PLXNB1: variants seen among roughly 807,000 people sequenced by gnomAD.
PLXNB1 encodes the protein plexin B1.
Under a neutral mutation model 209.4 loss-of-function variants are expected in PLXNB1, and 106 were observed. The ratio of observed to expected loss-of-function variants is 0.51; its 90% CI spans 0.43 to 0.59. PLXNB1 has a LOEUF of 0.59. Among genes scored for constraint, PLXNB1 ranks in the 20% least tolerant of loss-of-function variants. PLXNB1 has a pLI of 0.00. For missense variants in PLXNB1, 2,357 were observed against 2,853.2 expected (o/e 0.83, Z 3.96); for synonymous variants, 1,167 against 1,183.2 (o/e 0.99, Z 0.28).
rs1214672626 is a variant in PLXNB1 at position 48,429,701 on chromosome 3, G to A, written c.-60+307C>T. ...CCATGGCAACGCGGGTCGCCCGGAG[G>A]GGTGAGGAGTGAACCCCGGGAGCCA... is the stretch of plus-strand genomic sequence containing the variant. On this transcript the variant is annotated intron_variant, in intron 1 of 37. Transcript: ENST00000296440. This position sits in a 1 kb window ranked among gnomAD's most constrained non-coding sequence, Gnocchi z 6.4. Among the ~76,000 whole-genome samples the A allele has an allele frequency of 6.6e-6, 1 of 151,930 alleles. No individual in the cohort carries two copies. The highest frequency in any genetic ancestry group is 1.5e-5 in the Non-Finnish European group (1 of 67,934).
In PLXNB1 at chr3:48,424,678, A is replaced by G. The variant is rs2038790582; in HGVS notation, c.-6-61T>C. ...GTGGCCGCCAGAGCACCCTGGGGCC[A>G]CTGGTAAGGGATAGGACTGTGGCAT... On this transcript the variant is annotated intron_variant, in intron 2 of 37. Coordinates refer to ENST00000296440, the MANE Select transcript of PLXNB1 (RefSeq NM_001130082.3). The G allele has an allele frequency of 2.0e-6, 3 of 1,492,568 alleles. No individual in the cohort carries two copies. In the Admixed American group the frequency reaches 6.0e-5, roughly 30 times the overall value. The allele number at this position is 1,492,568 out of a possible 1,614,324, so 92.5% of individuals were successfully genotyped here. A position where few individuals can be genotyped will look rare whatever the true frequency, so the allele number is the denominator to read the frequency against.
intron 1 of PLXNB1, among the ~76,000 whole-genome samples, chr3:48,427,995 T>C (rs567037698): frequency 2.0e-5 from 3 of 152,300 alleles, no homozygotes; most frequent in East Asian, 3.9e-4. Context: ...CAGGGTCACC[T>C]TTCTCCCTGT....
Position 48,421,283 on chromosome 3 carries a change from A to G in PLXNB1, c.1755T>C (p.Gly585=). Reference sequence around the variant, plus strand: ...TAGGGTCTGGGGAGGGGCACATCACACCAGAACCAGTCAGCAGGGCAGGAC... The same window carrying G: ...TAGGGTCTGGGGAGGGGCACATCACGCCAGAACCAGTCAGCAGGGCAGGAC... ...HQSPALLTGS[G]VMCPSPDPSE... The change falls in exon 8 of 38, where the codon GGT becomes GGC. Residue 585 remains glycine, a synonymous_variant. Coordinates refer to ENST00000296440, the MANE Select transcript of PLXNB1 (RefSeq NM_001130082.3). 2 of 1,610,864 alleles carry G rather than the reference A, an allele frequency of 1.2e-6. No homozygotes were observed. Among genetic ancestry groups the G allele is most frequent in the Non-Finnish European group, 1.7e-6 (2 of 1,178,372 alleles).
At position 48,410,523 on chromosome 3, in the gene PLXNB1, A is replaced by G. The variant is rs2037608099; in HGVS notation, c.5452T>C (p.Ser1818Pro). ...ACCTCAGAAGTGACATCCTCGTCAG[A>G]AAGAATGAGGTGCCCGGCCACCCCA... ...RSGVAGHLIL[S>P]DEDVTSEVQG... The change falls in exon 30 of 38, where the codon TCT (serine) becomes CCT (proline). Residue 1818 changes from serine to proline, a missense_variant. By Grantham distance (74) the Ser-to-Pro change is moderately conservative (BLOSUM62 -1). Transcript: ENST00000296440. The surrounding 1 kb of genome is among the most constrained non-coding windows in gnomAD (Gnocchi z 6.4). The G allele has an allele frequency of 6.2e-7, 1 of 1,613,762 alleles. No homozygotes were observed. The highest frequency in any genetic ancestry group is 1.3e-5 in the African/African-American group (1 of 74,896).
In PLXNB1 at chr3:48,423,608, C is replaced by A; in HGVS notation, c.1004G>T (p.Arg335Leu). 9 of 1,614,194 alleles carry A rather than the reference C, an allele frequency of 5.6e-6. No individual in the cohort carries two copies. Among genetic ancestry groups the A allele is most frequent in the Non-Finnish European group, 7.6e-6 (9 of 1,180,030 alleles). ...PLDEVDRLAN[R>L]TRDACYTREG... is the part of the protein sequence containing the mutation. ...CCGGGTGTAGCAGGCATCTCGCGTG[C>A]GATTAGCAAGCCGGTCCACCTCATC... is the stretch of plus-strand genomic sequence containing the variant. The change falls in exon 3 of 38, where the codon CGC (arginine) becomes CTC (leucine). Residue 335 changes from arginine to leucine, a missense_variant. Arg to Leu is a moderately radical substitution (Grantham distance 102). Transcript: ENST00000296440.
chr3:48,426,575 G>A (rs985771953), intron 1 of PLXNB1, among the ~76,000 whole-genome samples: 3 of 152,192 alleles, frequency 2.0e-5, no homozygotes, highest in Non-Finnish European at 4.4e-5. Flanking sequence ...GAACAGGGCC[G>A]GGCACAAGGC....
chr3:48,423,940 A>G lies in PLXNB1; in HGVS notation c.672T>C (p.Arg224=), dbSNP rs569328142. ...YSHHFVSAFA[R]GASAYFLFLR... ...GGAACAGGAAGTAGGCGCTGGCCCC[A>G]CGTGCAAAGGCACTCACGAAGTGGT... The change falls in exon 3 of 38, where the codon CGT becomes CGC. Residue 224 remains arginine (R), a synonymous_variant. Transcript: ENST00000296440. 7 of 1,613,986 alleles carry G rather than the reference A, an allele frequency of 4.3e-6. No individual in the cohort carries two copies. The highest frequency in any genetic ancestry group is 5.1e-6 in the Non-Finnish European group (6 of 1,180,018).
chr3:48,409,642 G>A lies in PLXNB1; in HGVS notation c.5868C>T (p.Asp1956=), dbSNP rs1349388418. 2 of 1,614,064 alleles carry A rather than the reference G, an allele frequency of 1.2e-6. No homozygotes were observed. Among genetic ancestry groups the A allele is most frequent in the East Asian group, 2.2e-5 (1 of 44,878 alleles). Residue 1956 remains aspartate, a synonymous_variant, in exon 33 of 38, where the codon GAC becomes GAT. Coordinates refer to ENST00000296440, the MANE Select transcript of PLXNB1 (RefSeq NM_001130082.3). This position sits in a 1 kb window ranked among gnomAD's most constrained non-coding sequence, Gnocchi z 5.8. ...PVPLAVKYFF[D]LLDEQAQQHG... ...GCTGCTGGGCCTGCTCATCCAGCAG[G>A]TCAAAGAAGTACTTCACAGCGAGCG...
Position 48,410,262 on chromosome 3 carries a change from A to G in PLXNB1, c.5605+34T>C. ...CCCATGACTCCGGGCTGGGCACAGC[A>G]GGGGCAGAGGACCGTGATGGGAGCG... On this transcript the variant is annotated intron_variant, in intron 31 of 37. Coordinates refer to ENST00000296440, the MANE Select transcript of PLXNB1 (RefSeq NM_001130082.3). The surrounding 1 kb of genome is among the most constrained non-coding windows in gnomAD (Gnocchi z 6.4). 6.4e-7 allele frequency: 1 copy of G among 1,552,536 alleles called. No homozygotes were observed. Among genetic ancestry groups the G allele is most frequent in the Non-Finnish European group, 8.8e-7 (1 of 1,136,766 alleles).
rs551990281 is a variant in PLXNB1 at position 48,404,993 on chromosome 3, T to C, written c.6304-403A>G. Among the ~76,000 whole-genome samples the C allele has an allele frequency of 5.3e-5, 8 of 152,110 alleles. No homozygotes were observed. The East Asian group carries it at 1.5e-3, about 29-fold the overall frequency. Reference sequence around the variant, plus strand: ...ACACTGATCAAACACGAACCACGAATTTGGGGCTGCCACCAAGGGAACCGG... The same window carrying C: ...ACACTGATCAAACACGAACCACGAACTTGGGGCTGCCACCAAGGGAACCGG... On this transcript the variant is annotated intron_variant, in intron 37 of 37. Coordinates refer to ENST00000296440, the MANE Select transcript of PLXNB1 (RefSeq NM_001130082.3).
rs746500866 is a variant in PLXNB1, at chr3:48,406,813, G to T, written c.6228+10C>A. The T allele has an allele frequency of 6.3e-7, 1 of 1,599,198 alleles. No individual in the cohort carries two copies. The highest frequency in any genetic ancestry group is 1.7e-5 in the Admixed American group (1 of 58,234). ...CTATGCCCAACCCAAGAAGCAGAGG[G>T]AGGCCTTACCCAGGACAGTTCAGCC... On this transcript the variant is annotated intron_variant, in intron 36 of 37. Transcript: ENST00000296440. This position sits in a 1 kb window ranked among gnomAD's most constrained non-coding sequence, Gnocchi z 4.4.
Position 48,415,390 on chromosome 3 carries a change from T to G in PLXNB1, c.3795-43A>C, listed in dbSNP as rs914828034. On this transcript the variant is annotated intron_variant, in intron 19 of 37. Coordinates refer to ENST00000296440, the MANE Select transcript of PLXNB1 (RefSeq NM_001130082.3). The surrounding 1 kb of genome is among the most constrained non-coding windows in gnomAD (Gnocchi z 5.0). ...CTTACGTAACGTAAGATGGCTTATG[T>G]TACCTGGACCTAAAGCACAGCCCAG... 2 of 1,591,708 alleles carry G rather than the reference T, an allele frequency of 1.3e-6. No homozygotes were observed. Among genetic ancestry groups the G allele is most frequent in the Middle Eastern group, 1.7e-4 (1 of 6,018 alleles).
In PLXNB1 at chr3:48,418,315, T is replaced by A; in HGVS notation, c.3098A>T (p.Gln1033Leu). 2 of 1,613,676 alleles carry A rather than the reference T, an allele frequency of 1.2e-6. No homozygotes were observed. The highest frequency in any genetic ancestry group is 2.2e-5 in the South Asian group (2 of 91,082). Residue 1033 changes from glutamine to leucine, a missense_variant, in exon 15 of 38, where the codon CAA (glutamine) becomes CTA (leucine). By Grantham distance (113) the Gln-to-Leu change is moderately radical. This residue lies in a region of PLXNB1 where 743 missense variants were observed against 896.2 expected (regional missense o/e 0.83). Coordinates refer to ENST00000296440, the MANE Select transcript of PLXNB1 (RefSeq NM_001130082.3). This position sits in a 1 kb window ranked among gnomAD's most constrained non-coding sequence, Gnocchi z 6.6. ...SVGHGDCSRC[Q>L]TAMPQYGCVW... The stretch of plus-strand genomic sequence containing the variant: ...ACAGCCATACTGGGGCATGGCAGTT[T>A]GGCAGCGGCTGCAGTCTCCATGTCC...
rs1338721897 is a variant in PLXNB1 at position 48,425,827 on chromosome 3, CACACACACAG to C, written c.-59-504_-59-495del. 8.7e-5 allele frequency among the ~76,000 whole-genome samples: 13 copies of C among 149,282 alleles called. No individual in the cohort carries two copies. The East Asian group carries it at 9.7e-4, about 11-fold the overall frequency. ...TACAACACACACACACACACACACA[CACACACACAG>C]AGAGAGAGAGATGCAGATGCCATCT... On this transcript the variant is annotated intron_variant, in intron 1 of 37. Transcript: ENST00000296440.
Position 48,410,154 on chromosome 3 carries a change from CA to C in PLXNB1, c.5606-78del, listed in dbSNP as rs1346635715. ...GCCCCCTGTTTCTTGCCAGCTCTCCCAGGGGTGGGGGCACCTGGTTGAGGGA... is the reference window on the plus strand; with the variant it reads ...GCCCCCTGTTTCTTGCCAGCTCTCCCGGGGTGGGGGCACCTGGTTGAGGGA... On this transcript the variant is annotated intron_variant, in intron 31 of 37. Transcript: ENST00000296440. The surrounding 1 kb of genome is among the most constrained non-coding windows in gnomAD (Gnocchi z 6.4). The C allele has an allele frequency of 1.3e-6, 2 of 1,500,606 alleles. No individual in the cohort carries two copies. The highest frequency in any genetic ancestry group is 1.8e-6 in the Non-Finnish European group (2 of 1,113,334). The allele number at this position is 1,500,606 out of a possible 1,614,324, so 93.0% of individuals were successfully genotyped here. A position where few individuals can be genotyped will look rare whatever the true frequency, so the allele number is the denominator to read the frequency against.
chr3:48,427,769 T>C (rs370645547), intron 1 of PLXNB1, among the ~76,000 whole-genome samples: 2 of 151,942 alleles, frequency 1.3e-5, no homozygotes, highest in East Asian at 1.9e-4. Flanking sequence ...ACACCAACCA[T>C]CCTCTCCCTG....
intron 8 of PLXNB1, 125 bp from the exon 9 acceptor site, chr3:48,421,081 G>C (rs1437269996): frequency 1.4e-5 from 18 of 1,265,358 alleles, no homozygotes; most frequent in South Asian, 2.6e-5. Context: ...CAAGGGCACA[G>C]AATGGAGGCT....
At position 48,421,363 on chromosome 3, in the gene PLXNB1, G is replaced by A; in HGVS notation, c.1675C>T (p.Leu559=). The change falls in exon 8 of 38, where the codon CTG becomes TTG. Residue 559 remains leucine (L), a synonymous_variant. Coordinates refer to ENST00000296440, the MANE Select transcript of PLXNB1 (RefSeq NM_001130082.3). ...GACTCCCCTGGCCACAGGGGTGGCA[G>A]GTCTGGCACTGATAGGAAAACCTGC... is the stretch of plus-strand genomic sequence containing the variant. ...TREVFLSVPD[L]PPLWPGESYS... The A allele has an allele frequency of 6.5e-7, 1 of 1,543,206 alleles. No homozygotes were observed. Among genetic ancestry groups the A allele is most frequent in the Non-Finnish European group, 8.8e-7 (1 of 1,142,734 alleles).
In PLXNB1 at chr3:48,406,991, C is replaced by G. The variant is rs369432147; in HGVS notation, c.6152+36G>C. 1.2e-6 allele frequency: 2 copies of G among 1,610,634 alleles called. No homozygotes were observed. The highest frequency in any genetic ancestry group is 1.7e-6 in the Non-Finnish European group (2 of 1,176,806). On this transcript the variant is annotated intron_variant, in intron 35 of 37. Transcript: ENST00000296440. The surrounding 1 kb of genome is among the most constrained non-coding windows in gnomAD (Gnocchi z 4.4). Reference sequence around the variant, plus strand: ...CCACCCCCCAAGCCTCAGCTGCACACGCCCTCCAACCTCTACCCACCGTGC... The same window carrying G: ...CCACCCCCCAAGCCTCAGCTGCACAGGCCCTCCAACCTCTACCCACCGTGC...
Sources: gnomAD v4.1 joint callset for allele counts (sites outside exome capture counted in the v4.1 genomes callset) on GRCh38, gnomAD v4.1.1 for gene constraint, gnomAD v4.1.1 regional missense constraint, Gnocchi (gnomAD v3.1) non-coding constraint, MANE v1.5 for transcripts, NCBI Gene and HGNC (gene_info 2026-07-23, HGNC 2026-07-21) for gene names.